FER: variants seen among roughly 807,000 people sequenced by gnomAD.
FER encodes the protein FER tyrosine kinase.
In FER, 63 loss-of-function variants were observed where a neutral mutation model predicts 111.0. That is an observed-to-expected ratio of 0.57 (90% CI 0.46 to 0.70). The LOEUF (loss-of-function observed/expected upper bound fraction) is 0.70, where lower values mean the gene tolerates loss of function less well. FER is among the 30% of genes least tolerant of loss of function. FER has a pLI of 0.00. For synonymous variants in FER, 327 were observed against 313.9 expected, an observed-to-expected ratio of 1.04 and a Z score of -0.44; for missense variants, 914 against 954.0, an observed-to-expected ratio of 0.96 and a Z score of 0.55.
chr5:108,977,610 C>G (rs1479405085), intron 13 of FER, among the ~76,000 whole-genome samples: 1 of 152,158 alleles, frequency 6.6e-6, no homozygotes, highest in African/African-American at 2.4e-5. Flanking sequence ...CCCCACTGCC[C>G]CTACTTTTCA....
At chr5:108,840,118 A>G (rs1227951784) in intron 5 of FER, among the ~76,000 whole-genome samples, 3 of 152,216 alleles carry the variant, frequency 2.0e-5, no homozygotes, top group Non-Finnish European at 4.4e-5. Flanking sequence ...ATTTGAATGT[A>G]TGTTTCAGGC....
intron 16 of FER, among the ~76,000 whole-genome samples, chr5:109,084,550 A>G (rs1023454526): frequency 2.6e-5 from 4 of 151,960 alleles, no homozygotes; most frequent in Non-Finnish European, 5.9e-5. Flanking sequence ...GTTTACTTAT[A>G]CTTATTTGTG....
At chr5:109,006,735 T>G (rs1199587646) in intron 13 of FER, among the ~76,000 whole-genome samples, 3 of 152,132 alleles carry the variant, frequency 2.0e-5, no homozygotes, top group Non-Finnish European at 4.4e-5. Flanking sequence ...AGTAAAAAAT[T>G]GTAATCTAAG....
At chr5:108,937,686 C>A (rs1439284201) in intron 10 of FER, among the ~76,000 whole-genome samples, 1 of 151,732 alleles carries the variant, frequency 6.6e-6, no homozygotes, top group East Asian at 1.9e-4. Context: ...TGTAGGCATA[C>A]ATGGTCAATA....
At chr5:108,834,149 A>C (rs1309428358) in intron 4 of FER, among the ~76,000 whole-genome samples, 1 of 152,098 alleles carries the variant, frequency 6.6e-6, no homozygotes, top group African/African-American at 2.4e-5. Flanking sequence ...AATTTTCTTC[A>C]TATTGGGTTT....
rs10066363 is a variant in FER, at chr5:109,079,848, A to C, written c.1925-20548A>C. On this transcript the variant is annotated intron_variant, in intron 16 of 19. Transcript: ENST00000281092. ...ATAGCCAAGCCAATGCCAACCCCAC[A>C]GTTCTCTCCTAATCCTGACCCCATT... is the stretch of plus-strand genomic sequence containing the variant. Among the ~76,000 whole-genome samples the C allele has an allele frequency of 6.5e-3, 992 of 152,198 alleles. 12 individuals carry two copies. The highest frequency in any genetic ancestry group is 0.022 in the African/African-American group (917 of 41,528).
intron 5 of FER, among the ~76,000 whole-genome samples, chr5:108,840,818 C>T (rs958042122): frequency 1.3e-5 from 2 of 152,170 alleles, no homozygotes; most frequent in Non-Finnish European, 2.9e-5. Flanking sequence ...CAAGTAGTGA[C>T]TGCCAGATCT....
chr5:108,871,459 A>G lies in FER; in HGVS notation c.760A>G (p.Ile254Val), dbSNP rs751539220. ...HKEIQMSVEQ[I>V]DPSTEYNNFI... ...AGAGATTCAAATGTCGGTTGAACAG[A>G]TAGATCCTAGTACAGAATACAATAA... Residue 254 changes from isoleucine (I) to valine (V), a missense_variant, in exon 7 of 20, where the codon ATA (isoleucine) becomes GTA (valine). Around this residue, in one of 3 missense-constraint regions of FER, gnomAD observed 774 missense variants for 782.6 expected, o/e 0.99. Coordinates refer to ENST00000281092, the MANE Select transcript of FER (RefSeq NM_005246.4). 1.2e-6 allele frequency: 2 copies of G among 1,611,764 alleles called. No individual in the cohort carries two copies. The highest frequency in any genetic ancestry group is 2.2e-5 in the East Asian group (1 of 44,674).
At chr5:108,968,944 A>T (rs992553733) in intron 13 of FER, among the ~76,000 whole-genome samples, 1 of 152,134 alleles carries the variant, frequency 6.6e-6, no homozygotes, top group Non-Finnish European at 1.5e-5. Flanking sequence ...GATTTGCCCC[A>T]TTCTCAGTAA....
At chr5:108,828,013 C>T (rs954542333) in intron 3 of FER, among the ~76,000 whole-genome samples, 2 of 151,610 alleles carry the variant, frequency 1.3e-5, no homozygotes, top group African/African-American at 2.4e-5. Flanking sequence ...AATTTAAAAA[C>T]AAAGCTTTTC....
At chr5:108,948,976 ACT>A (rs1416228834) in intron 11 of FER, among the ~76,000 whole-genome samples, 1 of 152,040 alleles carries the variant, frequency 6.6e-6, no homozygotes, top group Non-Finnish European at 1.5e-5. Flanking sequence ...TATTTTCTAC[ACT>A]CTGTTGACAT....
chr5:108,852,695 G>T (rs900821306), intron 5 of FER, among the ~76,000 whole-genome samples: 1 of 152,038 alleles, frequency 6.6e-6, no homozygotes, highest in Non-Finnish European at 1.5e-5. Context: ...CTTATTTTTG[G>T]ATTTAGTGAT....
chr5:109,055,864 A>C (rs545249838), intron 16 of FER, among the ~76,000 whole-genome samples: 1 of 151,314 alleles, frequency 6.6e-6, no homozygotes, highest in South Asian at 2.1e-4. Context: ...AAAAAAAAAA[A>C]AACCCAAAAA....
chr5:109,114,796 A>G (rs572665537), intron 17 of FER, among the ~76,000 whole-genome samples: 1 of 152,102 alleles, frequency 6.6e-6, no homozygotes, highest in African/African-American at 2.4e-5. Flanking sequence ...TCTATCTTTA[A>G]TTTTCCTTTG....
chr5:108,995,361 C>T (rs1375972040), intron 13 of FER, among the ~76,000 whole-genome samples: 1 of 152,066 alleles, frequency 6.6e-6, no homozygotes, highest in East Asian at 1.9e-4. Context: ...TGGTTTACTG[C>T]ACCCATCAAC....
intron 13 of FER, among the ~76,000 whole-genome samples, chr5:109,028,109 T>C (rs965947143): frequency 2.0e-4 from 30 of 152,320 alleles, no homozygotes; most frequent in Middle Eastern, 3.4e-3. Flanking sequence ...AGTTGAGTCA[T>C]TATTTTTTTA....
intron 19 of FER, 26 bp downstream of exon 19, chr5:109,186,348 T>C (rs1287247760): frequency 1.2e-6 from 2 of 1,613,992 alleles, no homozygotes; most frequent in Non-Finnish European, 1.7e-6. Flanking sequence ...TCATTGTTAG[T>C]GTTCATGTCC....
At chr5:108,881,675 A>G (rs1206409936) in intron 8 of FER, among the ~76,000 whole-genome samples, 1 of 152,078 alleles carries the variant, frequency 6.6e-6, no homozygotes, top group Non-Finnish European at 1.5e-5. Context: ...TCTTTTCCTG[A>G]CTTGTAGATA....
rs1772455506 is a variant in FER at position 109,049,546 on chromosome 5, ACTAG to A, written c.1924+2352_1924+2355del. 2.6e-5 allele frequency among the ~76,000 whole-genome samples: 4 copies of A among 152,300 alleles called. No homozygotes were observed. The South Asian group carries it at 8.3e-4, about 32-fold the overall frequency. ...AATTTTTCTAACTTTCTCTTACGTT[ACTAG>A]CTAAAGAATACTCTCTACTTTTTTT... On this transcript the variant is annotated intron_variant, in intron 16 of 19. Transcript: ENST00000281092.
Sources: allele counts gnomAD v4.1 joint callset (sites outside exome capture counted in the v4.1 genomes callset), GRCh38; gene constraint gnomAD v4.1.1; regional missense constraint gnomAD v4.1.1; transcripts MANE v1.5; gene names NCBI Gene and HGNC (gene_info 2026-07-23, HGNC 2026-07-21).